Variants in ELAC2 observed in about 807,000 individuals in gnomAD.
The protein encoded by ELAC2 is zinc phosphodiesterase ELAC protein 2.
ELAC2 carries 92 observed loss-of-function variants against 105.2 expected under a neutral mutation model. The observed-to-expected ratio is 0.87, with a 90% CI of 0.74 to 1.04. The LOEUF is 1.04. Ranked by LOEUF, ELAC2 falls within the 50% of genes least tolerant of loss-of-function variation. ELAC2 has a pLI of 0.00. For synonymous variants in ELAC2, 468 were observed against 409.1 expected (o/e 1.14, Z -1.74); for missense variants, 1,099 against 1,071.7 (o/e 1.03, Z -0.36).
In ELAC2 at chr17:12,992,176, G is replaced by C. The variant is rs2040215664; in HGVS notation, c.*642C>G. ...ATAGAGAAAGCACGCCCTGCTGTGAGCTGGCACAGCTCGAGTTGTCAAAAA... is the reference window on the plus strand; with the variant it reads ...ATAGAGAAAGCACGCCCTGCTGTGACCTGGCACAGCTCGAGTTGTCAAAAA... On this transcript the variant is annotated 3_prime_UTR_variant, in exon 24 of 24. Transcript: ENST00000338034. Among the ~76,000 whole-genome samples, 1 of 152,190 alleles carries C rather than the reference G, an allele frequency of 6.6e-6. No individual in the cohort carries two copies.
chr17:13,015,723 C>T, intron 4 of ELAC2, 45 bp downstream of exon 4: 1 of 1,548,466 alleles, frequency 6.5e-7, no homozygotes, highest in Non-Finnish European at 8.9e-7. Context: ...ACTGATATTA[C>T]AAAAGGAAAG....
At chr17:13,015,661 C>A in intron 4 of ELAC2, 107 bp downstream of exon 4, 2 of 893,390 alleles carry the variant, frequency 2.2e-6, no homozygotes, top group Non-Finnish European at 3.7e-6. Context: ...TTTCAACGAC[C>A]AGGTATCTCT....
chr17:12,998,565 T>C (rs776978941), intron 15 of ELAC2, 57 bp from the exon 16 acceptor site: 23 of 1,480,112 alleles, frequency 1.6e-5, no homozygotes, highest in South Asian at 4.5e-5. Flanking sequence ...TGAGCCAGCA[T>C]GCAGCCATGA....
intron 2 of ELAC2, 61 bp from the exon 3 acceptor site, chr17:13,016,993 T>TA (rs1275763191): frequency 6.2e-6 from 10 of 1,612,768 alleles, no homozygotes; most frequent in African/African-American, 5.3e-5. Context: ...ACTTTTGCTA[T>TA]AAAAAACAAC....
intron 4 of ELAC2, 151 bp downstream of exon 4, chr17:13,015,617 G>C: frequency 7.2e-6 from 5 of 697,910 alleles, no homozygotes; most frequent in Non-Finnish European, 1.3e-5. Context: ...TAGTTAATCA[G>C]AACTCAAGTC....
In ELAC2 at chr17:13,013,239, T is replaced by A. The variant is rs1465236226; in HGVS notation, c.527A>T (p.Glu176Val). 3.1e-6 allele frequency: 5 copies of A among 1,614,088 alleles called. No homozygotes were observed. In the East Asian group the frequency reaches 6.7e-5, roughly 22 times the overall value. Residue 176 changes from glutamate (E) to valine (V), a missense_variant, in exon 6 of 24, where the codon GAA becomes GTA. Physicochemically the swap from Glu to Val is moderately radical, Grantham distance 121. Coordinates refer to ENST00000338034, the MANE Select transcript of ELAC2 (RefSeq NM_018127.7). ...GGGGATCTGGTAAACTGTCATGGTT[T>A]CATCCTCGTATTCTGGGGCAGAGTG... ...RPHSAPEYEDETMTVYQIPIH... is the reference protein window; with the variant it reads ...RPHSAPEYEDVTMTVYQIPIH...
intron 22 of ELAC2, 138 bp from the exon 23 acceptor site, chr17:12,993,969 C>T: frequency 8.3e-7 from 1 of 1,210,860 alleles, no homozygotes; most frequent in Non-Finnish European, 1.2e-6. Flanking sequence ...ACCTCCGTAG[C>T]CAGCACAATC....
chr17:13,014,964 A>C (rs548947902), intron 4 of ELAC2, among the ~76,000 whole-genome samples: 5 of 152,226 alleles, frequency 3.3e-5, no homozygotes, highest in South Asian at 2.1e-4. Context: ...TTAGAGGGAC[A>C]TAAGAGTCAG....
At position 13,017,762 on chromosome 17, in the gene ELAC2, C is replaced by T. The variant is rs1283619554; in HGVS notation, c.186G>A (p.Val62=). The T allele has an allele frequency of 1.9e-6, 3 of 1,611,598 alleles. No homozygotes were observed. The highest frequency in any genetic ancestry group is 2.2e-5 in the East Asian group (1 of 44,816). Residue 62 remains valine, a synonymous_variant, in exon 1 of 24, where the codon GTG becomes GTA. Transcript: ENST00000338034. ...SGGPNTVYLQ[V]VAAGSRDSGA... ...CCGAGTCCCGGCTACCCGCTGCCAC[C>T]ACCTGCAGGTACACGGTGTTTGGGC...
In ELAC2 at chr17:13,005,767, G is replaced by A. The variant is rs1184764865; in HGVS notation, c.856C>T (p.His286Tyr). The change falls in exon 10 of 24, where the codon CAT (histidine) becomes TAT (tyrosine). Residue 286 changes from histidine (H) to tyrosine (Y), a missense_variant. Coordinates refer to ENST00000338034, the MANE Select transcript of ELAC2 (RefSeq NM_018127.7). ...AGGCATCTCACCTCTCTTCCTTCAT[G>A]AGTGATGCTTTTCCCGTCCTTGACA... ...AAVKDGKSIT[H>Y]EGREILAEEL... 4.3e-6 allele frequency: 7 copies of A among 1,614,156 alleles called. No individual in the cohort carries two copies. In the Admixed American group the frequency reaches 1.0e-4, roughly 23 times the overall value.
intron 16 of ELAC2, 90 bp from the exon 17 acceptor site, chr17:12,996,775 G>A: frequency 6.5e-7 from 1 of 1,537,396 alleles, no homozygotes. Flanking sequence ...GGACCAAGAA[G>A]CAACTGCAGA....
At chr17:13,004,511 A>T (rs955454296) in intron 11 of ELAC2, among the ~76,000 whole-genome samples, 1 of 152,370 alleles carries the variant, frequency 6.6e-6, no homozygotes, top group Middle Eastern at 3.4e-3. Context: ...TAACTTCGAT[A>T]GAGGACAACA....
At position 13,015,759 on chromosome 17, in the gene ELAC2, A is replaced by G; in HGVS notation, c.432+9T>C. On this transcript the variant is annotated intron_variant, in intron 4 of 23. Transcript: ENST00000338034. ...ATTGCTTTTGAAAGATGTGTCAGGAAAGACTCACCAGTTGTGGAGGTCCAG... is the reference window on the plus strand; with the variant it reads ...ATTGCTTTTGAAAGATGTGTCAGGAGAGACTCACCAGTTGTGGAGGTCCAG... 6.2e-7 allele frequency: 1 copy of G among 1,611,356 alleles called. No individual in the cohort carries two copies. Among genetic ancestry groups the G allele is most frequent in the Non-Finnish European group, 8.5e-7 (1 of 1,177,428 alleles).
chr17:13,007,842 C>T (rs1207907100), intron 8 of ELAC2, among the ~76,000 whole-genome samples: 2 of 152,070 alleles, frequency 1.3e-5, no homozygotes, highest in Non-Finnish European at 2.9e-5. Flanking sequence ...TGCGCCACCG[C>T]ACTCCAGCCT....
chr17:13,002,228 T>A, intron 14 of ELAC2, 46 bp downstream of exon 14: 1 of 1,603,580 alleles, frequency 6.2e-7, no homozygotes, highest in Non-Finnish European at 8.5e-7. Context: ...CAGAAATGTT[T>A]CCCAACTCGA....
Position 12,996,705 on chromosome 17 carries a change from G to T in ELAC2, c.1521-20C>A. The T allele has an allele frequency of 6.2e-7, 1 of 1,610,988 alleles. No individual in the cohort carries two copies. Among genetic ancestry groups the T allele is most frequent in the Non-Finnish European group, 8.5e-7 (1 of 1,179,080 alleles). ...TCGGGGCTGCAGAAGAGAAGAGGAA[G>T]AGAGTCACTGCCACTAGGAAGACTG... On this transcript the variant is annotated intron_variant, in intron 16 of 23. Transcript: ENST00000338034.
intron 8 of ELAC2, among the ~76,000 whole-genome samples, chr17:13,009,990 C>CAAA (rs1157775345): frequency 2.6e-5 from 2 of 76,204 alleles, no homozygotes; most frequent in Non-Finnish European, 5.0e-5. Context: ...GACATGGTCT[C>CAAA]AAAAAAAAAA....
chr17:13,007,670 A>AT (rs1210287796), intron 8 of ELAC2, among the ~76,000 whole-genome samples: 10 of 151,904 alleles, frequency 6.6e-5, no homozygotes, highest in Admixed American at 6.6e-4. Flanking sequence ...TTGAGGTCAG[A>AT]AATTCAAGAC....
At chr17:13,016,790 GA>G in intron 3 of ELAC2, 71 bp downstream of exon 3, 2 of 1,471,712 alleles carry the variant, frequency 1.4e-6, no homozygotes, top group Non-Finnish European at 1.9e-6. Flanking sequence ...CCCAGACTTG[GA>G]AAAATGGTAA....
Sources: allele counts gnomAD v4.1 joint callset (sites outside exome capture counted in the v4.1 genomes callset), GRCh38; gene constraint gnomAD v4.1.1; transcripts MANE v1.5; gene names NCBI Gene and HGNC (gene_info 2026-07-23, HGNC 2026-07-21).